The following CNPY3 variants were observed in gnomAD, a reference collection of about 807,000 sequenced individuals.
CNPY3 encodes the protein canopy FGF signaling regulator 3.
CNPY3 carries 20 observed loss-of-function variants against 32.0 expected under a neutral mutation model. That is an observed-to-expected ratio of 0.63 (90% CI 0.44 to 0.91). CNPY3 has a LOEUF of 0.91. Among genes scored for constraint, CNPY3 ranks in the 40% least tolerant of loss-of-function variants. The pLI, the probability that CNPY3 is intolerant of heterozygous loss-of-function variation, is 0.00. For missense variants in CNPY3, 299 were observed against 340.8 expected, an observed-to-expected ratio of 0.88 and a Z score of 0.97; for synonymous variants, 138 against 142.9, an observed-to-expected ratio of 0.97 and a Z score of 0.24.
intron 1 of CNPY3, 28 bp downstream of exon 1, chr6:42,929,749 T>A: frequency 6.5e-7 from 1 of 1,533,752 alleles, no homozygotes; most frequent in Non-Finnish European, 8.8e-7. Context: ...GTGGGGCGTA[T>A]CCTGCCGGAG....
intron 1 of CNPY3, among the ~76,000 whole-genome samples, chr6:42,931,417 CTGGAG>C (rs1767807273): frequency 6.7e-6 from 1 of 148,358 alleles, no homozygotes; most frequent in Non-Finnish European, 1.5e-5. Flanking sequence ...TCTGCCCAGT[CTGGAG>C]TGCAGTGGTG....
intron 1 of CNPY3, among the ~76,000 whole-genome samples, chr6:42,932,158 A>T (rs1012120723): frequency 6.6e-6 from 1 of 152,168 alleles, no homozygotes; most frequent in Non-Finnish European, 1.5e-5. Flanking sequence ...CAGGATCTCT[A>T]TATCTCTATA....
At chr6:42,932,191 C>A (rs1767879267) in intron 1 of CNPY3, among the ~76,000 whole-genome samples, 1 of 152,176 alleles carries the variant, frequency 6.6e-6, no homozygotes, top group Admixed American at 6.5e-5. Flanking sequence ...TCTAGTCTAC[C>A]CTCATTTGGT....
intron 4 of CNPY3, 71 bp from the exon 5 acceptor site, chr6:42,938,019 G>C: frequency 6.7e-7 from 1 of 1,496,690 alleles, no homozygotes; most frequent in Non-Finnish European, 9.3e-7. Context: ...GGGTTGCGAG[G>C]CTTAGCTGAG....
At position 42,938,131 on chromosome 6, in the gene CNPY3, C is replaced by T; in HGVS notation, c.537C>T (p.Asp179=). ...AAGAGTTTGAGGAGGTGATCGAGGACTGGTACAGGAACCACCAGGAGGAAG... is the reference window on the plus strand; with the variant it reads ...AAGAGTTTGAGGAGGTGATCGAGGATTGGTACAGGAACCACCAGGAGGAAG... The part of the protein sequence containing the change: ...LVEEFEEVIE[D]WYRNHQEEDL... The change falls in exon 5 of 6, where the codon GAC becomes GAT. Residue 179 remains aspartate (D), a synonymous_variant. Coordinates refer to ENST00000372836, the MANE Select transcript of CNPY3 (RefSeq NM_006586.5). 1 of 1,614,148 alleles carries T rather than the reference C, an allele frequency of 6.2e-7. No homozygotes were observed. Among genetic ancestry groups the T allele is most frequent in the Admixed American group, 1.7e-5 (1 of 60,008 alleles).
chr6:42,938,330 G>A, intron 5 of CNPY3, 123 bp downstream of exon 5: 1 of 849,946 alleles, frequency 1.2e-6, no homozygotes, highest in Non-Finnish European at 2.0e-6. Context: ...GCCCTTGAAA[G>A]GCTTGATTGG....
At position 42,935,567 on chromosome 6, in the gene CNPY3, T is replaced by C. The variant is rs1469429473; in HGVS notation, c.276-7T>C. 6.2e-7 allele frequency: 1 copy of C among 1,605,568 alleles called. No homozygotes were observed. The highest frequency in any genetic ancestry group is 8.5e-7 in the Non-Finnish European group (1 of 1,173,000). On this transcript the variant is annotated splice_polypyrimidine_tract_variant and splice_region_variant and intron_variant, in intron 2 of 5. Transcript: ENST00000372836. ...GAACTCAGTTCCTCATCCTCCTGTC[T>C]TGGCAGGGACTTGCGGTTAATCGAA...
chr6:42,932,089 G>A (rs886441574), intron 1 of CNPY3, among the ~76,000 whole-genome samples: 3 of 152,080 alleles, frequency 2.0e-5, no homozygotes, highest in Non-Finnish European at 4.4e-5. Context: ...ATAGCCTAAG[G>A]AGCTCACATT....
At chr6:42,936,553 A>G (rs1768247705) in intron 3 of CNPY3, among the ~76,000 whole-genome samples, 1 of 151,976 alleles carries the variant, frequency 6.6e-6, no homozygotes, top group Admixed American at 6.6e-5. Flanking sequence ...TTTGTTTTGG[A>G]GACAGAGTCT....
chr6:42,929,427 G>C, upstream of CNPY3: 1 of 878,890 alleles, frequency 1.1e-6, no homozygotes, highest in Non-Finnish European at 1.7e-6. Flanking sequence ...GCGGCTGCGA[G>C]AGGAGGGCGG....
chr6:42,937,962 G>A (rs1768349852), intron 4 of CNPY3, 123 bp downstream of exon 4: 1 of 1,475,222 alleles, frequency 6.8e-7, no homozygotes, highest in Admixed American at 1.7e-5. Context: ...TCACCTCTCT[G>A]GCCTCAGTTT....
At chr6:42,929,293 C>T (rs1483235391), upstream of CNPY3, 1 of 429,542 alleles carries the variant, frequency 2.3e-6, no homozygotes, top group Admixed American at 4.0e-5. Flanking sequence ...TCGCTGAGGC[C>T]ACCATCTGCT....
chr6:42,936,514 A>G (rs1251647749), intron 3 of CNPY3, among the ~76,000 whole-genome samples: 1 of 152,100 alleles, frequency 6.6e-6, no homozygotes, highest in Non-Finnish European at 1.5e-5. Flanking sequence ...AACTGAATTC[A>G]ATTGATTTTC....
chr6:42,930,662 T>TA (rs1767727471), intron 1 of CNPY3, among the ~76,000 whole-genome samples: 1 of 152,170 alleles, frequency 6.6e-6, no homozygotes, highest in Non-Finnish European at 1.5e-5. Flanking sequence ...CCTAGCCCCG[T>TA]AACCCCAGGG....
At chr6:42,938,001 C>G in intron 4 of CNPY3, 89 bp from the exon 5 acceptor site, 1 of 1,445,572 alleles carries the variant, frequency 6.9e-7, no homozygotes, top group Non-Finnish European at 9.7e-7. Context: ...CACTGCCTAC[C>G]TTGCAGTGGG....
chr6:42,931,316 G>A (rs1214986058), intron 1 of CNPY3, among the ~76,000 whole-genome samples: 1 of 149,830 alleles, frequency 6.7e-6, no homozygotes, highest in Non-Finnish European at 1.5e-5. Flanking sequence ...AACCTCCAGT[G>A]ACCCACCCTC....
chr6:42,934,537 G>T lies in CNPY3; in HGVS notation c.214G>T (p.Val72Leu). 6.2e-7 allele frequency: 1 copy of T among 1,614,148 alleles called. No individual in the cohort carries two copies. Among genetic ancestry groups the T allele is most frequent in the Non-Finnish European group, 8.5e-7 (1 of 1,180,014 alleles). ...TGAGGAAACCGGCAAGACCAAGGAG[G>T]TGATTGGCACGGGCTATGGCATCCT... Reference protein sequence around the residue: ...AFEETGKTKEVIGTGYGILDQ... With the variant: ...AFEETGKTKELIGTGYGILDQ... Residue 72 changes from valine to leucine, a missense_variant, in exon 2 of 6, where the codon GTG becomes TTG. This residue lies in a region of CNPY3 where 211 missense variants were observed against 278.3 expected (regional missense o/e 0.76). Coordinates refer to ENST00000372836, the MANE Select transcript of CNPY3 (RefSeq NM_006586.5).
intron 5 of CNPY3, 102 bp from the exon 6 acceptor site, chr6:42,938,466 C>T: frequency 8.7e-7 from 1 of 1,143,768 alleles, no homozygotes; most frequent in Non-Finnish European, 1.2e-6. Flanking sequence ...ATGTCAAGCA[C>T]AGTCCCAGTT....
In CNPY3 at chr6:42,938,891, C is replaced by T. The variant is rs1768423725; in HGVS notation, c.*100C>T. 6.9e-7 allele frequency: 1 copy of T among 1,447,082 alleles called. No homozygotes were observed. Among genetic ancestry groups the T allele is most frequent in the African/African-American group, 1.4e-5 (1 of 69,568 alleles). The allele number at this position is 1,447,082 out of a possible 1,614,324, so 89.6% of individuals were successfully genotyped here. On this transcript the variant is annotated 3_prime_UTR_variant, in exon 6 of 6. Coordinates refer to ENST00000372836, the MANE Select transcript of CNPY3 (RefSeq NM_006586.5). ...GGGATGGCCCCGCAGCCTTCAGCCC[C>T]TCCTTGCCTTGGCTGTGCCCTCTTC...
Sources: allele counts gnomAD v4.1 joint callset (sites outside exome capture counted in the v4.1 genomes callset), GRCh38; gene constraint gnomAD v4.1.1; regional missense constraint gnomAD v4.1.1; transcripts MANE v1.5; gene names NCBI Gene and HGNC (gene_info 2026-07-23, HGNC 2026-07-21).